Variants in NKAIN2 observed in about 807,000 individuals in gnomAD.
The protein encoded by NKAIN2 is sodium/potassium-transporting ATPase subunit beta-1-interacting protein 2.
In NKAIN2, 14 loss-of-function variants were observed where a neutral mutation model predicts 32.6. That is an observed-to-expected ratio of 0.43 (90% CI 0.28 to 0.67). The LOEUF is 0.67. Ranked by LOEUF, NKAIN2 falls within the 30% of genes least tolerant of loss-of-function variation. NKAIN2 has a pLI of 0.17. For missense variants in NKAIN2, 198 were observed against 258.3 expected, an observed-to-expected ratio of 0.77 and a Z score of 1.60; for synonymous variants, 80 against 87.2, an observed-to-expected ratio of 0.92 and a Z score of 0.46.
chr6:123,865,096 T>C (rs1392868690), intron 1 of NKAIN2, among the ~76,000 whole-genome samples: 3 of 152,142 alleles, frequency 2.0e-5, no homozygotes, highest in Non-Finnish European at 4.4e-5. Context: ...AAGAAGAAAG[T>C]ATTCTTTAGA....
chr6:124,250,209 C>T (rs573870602), intron 1 of NKAIN2, among the ~76,000 whole-genome samples: 2 of 152,146 alleles, frequency 1.3e-5, no homozygotes, highest in African/African-American at 4.8e-5. Flanking sequence ...CTGCTGGTGC[C>T]TTGATCAGGG....
At chr6:124,806,662 C>T (rs1483205129) in intron 5 of NKAIN2, among the ~76,000 whole-genome samples, 1 of 151,912 alleles carries the variant, frequency 6.6e-6, no homozygotes, top group Non-Finnish European at 1.5e-5. Context: ...TGTAAATGGA[C>T]TAAATGCTCC....
intron 1 of NKAIN2, among the ~76,000 whole-genome samples, chr6:123,928,382 C>T (rs1457754528): frequency 6.6e-6 from 1 of 152,092 alleles, no homozygotes; most frequent in Non-Finnish European, 1.5e-5. Context: ...TAAGCCTGCA[C>T]ATATACCCCC....
In NKAIN2 at chr6:124,554,330, G is replaced by A. The variant is rs188317914; in HGVS notation, c.274-103856G>A. On this transcript the variant is annotated intron_variant, in intron 3 of 6. Transcript: ENST00000368417. ...GCCAGTGTGGGGGACTGTTCTCCCG[G>A]TGTGAAATGTTTTTAAGCCAAAACC... Among the ~76,000 whole-genome samples, 43 of 152,314 alleles carry A rather than the reference G, an allele frequency of 2.8e-4. 1 individual carries two copies. The highest frequency in any genetic ancestry group is 6.8e-3 in the Middle Eastern group (2 of 294).
In NKAIN2 at chr6:124,527,247, A is replaced by C. The variant is rs79025300; in HGVS notation, c.274-130939A>C. The stretch of plus-strand genomic sequence containing the variant: ...ATATATATACTCCGTAACTTGGATT[A>C]TTGTTCCTTTGTGCTTACTCTGGCA... On this transcript the variant is annotated intron_variant, in intron 3 of 6. Transcript: ENST00000368417. Among the ~76,000 whole-genome samples, 807 of 152,254 alleles carry C rather than the reference A, an allele frequency of 5.3e-3. 9 individuals carry two copies. Among genetic ancestry groups the C allele is most frequent in the African/African-American group, 0.018 (760 of 41,560 alleles).
chr6:123,819,585 T>A (rs2114884086), intron 1 of NKAIN2, among the ~76,000 whole-genome samples: 1 of 152,214 alleles, frequency 6.6e-6, no homozygotes, highest in African/African-American at 2.4e-5. Context: ...GGATTCCGAG[T>A]CTTACTTGCT....
intron 4 of NKAIN2, among the ~76,000 whole-genome samples, chr6:124,710,674 A>G (rs1297817831): frequency 1.0e-4 from 15 of 147,918 alleles, no homozygotes; most frequent in South Asian, 4.4e-4. Flanking sequence ...TTTGTTTTCC[A>G]TTTGCTTGGT....
At chr6:124,196,021 G>A (rs1389388413) in intron 1 of NKAIN2, among the ~76,000 whole-genome samples, 1 of 151,958 alleles carries the variant, frequency 6.6e-6, no homozygotes, top group East Asian at 1.9e-4. Context: ...TTTAATTGAA[G>A]ATATGCAAAT....
chr6:124,566,781 A>T (rs904050512), intron 3 of NKAIN2, among the ~76,000 whole-genome samples: 1 of 152,122 alleles, frequency 6.6e-6, no homozygotes, highest in East Asian at 1.9e-4. Context: ...TTGAGTACTA[A>T]AAAAACCTTA....
intron 2 of NKAIN2, among the ~76,000 whole-genome samples, chr6:124,342,408 C>CAAAAAAA: frequency 1.2e-5 from 1 of 84,540 alleles, no homozygotes; most frequent in African/African-American, 4.3e-5. Context: ...GACTCCATCT[C>CAAAAAAA]AAAAAAAAAA....
chr6:124,393,328 A>T (rs1773223571), intron 3 of NKAIN2, among the ~76,000 whole-genome samples: 1 of 148,474 alleles, frequency 6.7e-6, no homozygotes, highest in Non-Finnish European at 1.5e-5. Context: ...ATAATTATTC[A>T]TGTCACTTAT....
chr6:124,515,490 T>A (rs1311015530), intron 3 of NKAIN2, among the ~76,000 whole-genome samples: 3 of 151,832 alleles, frequency 2.0e-5, no homozygotes, highest in Admixed American at 2.0e-4. Context: ...GGTGCTAGCG[T>A]CTTTTAAAAA....
At chr6:124,279,432 G>C (rs1429759991) in intron 1 of NKAIN2, among the ~76,000 whole-genome samples, 1 of 148,964 alleles carries the variant, frequency 6.7e-6, no homozygotes, top group Non-Finnish European at 1.5e-5. Flanking sequence ...GCGTGAACCT[G>C]GGAGGCAGAG....
At chr6:124,429,318 G>A (rs1177213699) in intron 3 of NKAIN2, among the ~76,000 whole-genome samples, 1 of 152,084 alleles carries the variant, frequency 6.6e-6, no homozygotes, top group Non-Finnish European at 1.5e-5. Context: ...AAAGGCCTGG[G>A]ATTACTGGCG....
chr6:124,627,158 T>TACTC (rs1783385032), intron 3 of NKAIN2, among the ~76,000 whole-genome samples: 1 of 151,994 alleles, frequency 6.6e-6, no homozygotes, highest in South Asian at 2.1e-4. Context: ...TAATCCCAGC[T>TACTC]ACTCAGGAAG....
intron 1 of NKAIN2, among the ~76,000 whole-genome samples, chr6:124,047,706 A>T (rs1024432845): frequency 6.6e-5 from 10 of 152,062 alleles, no homozygotes; most frequent in African/African-American, 2.2e-4. Flanking sequence ...TTCTTTAAGC[A>T]GAGGGCAGGA....
At chr6:124,443,140 T>G (rs1025231500) in intron 3 of NKAIN2, among the ~76,000 whole-genome samples, 2 of 152,088 alleles carry the variant, frequency 1.3e-5, no homozygotes, top group South Asian at 4.1e-4. Flanking sequence ...TCAGAGACCA[T>G]TAGACCCCTA....
chr6:124,498,924 G>GTTGTT (rs377584336), intron 3 of NKAIN2, among the ~76,000 whole-genome samples: 3 of 151,982 alleles, frequency 2.0e-5, no homozygotes, highest in African/African-American at 4.8e-5. Flanking sequence ...TTTTGTAGTT[G>GTTGTT]TTGTTTTGTT....
intron 3 of NKAIN2, among the ~76,000 whole-genome samples, chr6:124,461,066 C>T (rs1045765504): frequency 6.6e-6 from 1 of 151,716 alleles, no homozygotes; most frequent in Non-Finnish European, 1.5e-5. Flanking sequence ...TTAGTTCAGT[C>T]TGCCATTATT....
Sources: allele counts gnomAD v4.1 joint callset (sites outside exome capture counted in the v4.1 genomes callset), GRCh38; gene constraint gnomAD v4.1.1; transcripts MANE v1.5; gene names NCBI Gene and HGNC (gene_info 2026-07-23, HGNC 2026-07-21).